Variants in STK3 observed in about 807,000 individuals in gnomAD.
STK3 encodes the protein serine/threonine-protein kinase 3.
STK3 carries 41 observed loss-of-function variants against 58.0 expected under a neutral mutation model. That is an observed-to-expected ratio of 0.71 (90% CI 0.55 to 0.92). The LOEUF is 0.92. Ranked by LOEUF, STK3 falls within the 40% of genes least tolerant of loss-of-function variation. The pLI is 0.00. For missense variants in STK3, 479 were observed against 602.7 expected, an observed-to-expected ratio of 0.79 and a Z score of 2.15; for synonymous variants, 170 against 191.0, an observed-to-expected ratio of 0.89 and a Z score of 0.91.
chr8:98,345,517 T>C, the STK3 span, among the ~76,000 whole-genome samples: 2 of 151,910 alleles, frequency 1.3e-5, no homozygotes, highest in Non-Finnish European at 2.9e-5. Context: ...ATTGGAGTGA[T>C]GTCATCTAGG....
At chr8:98,541,462 T>C (rs1251065913) in intron 9 of STK3, among the ~76,000 whole-genome samples, 1 of 152,210 alleles carries the variant, frequency 6.6e-6, no homozygotes, top group Non-Finnish European at 1.5e-5. Flanking sequence ...TCCCTAGCCA[T>C]GCTTCCTGTA....
the STK3 span, among the ~76,000 whole-genome samples, chr8:98,359,441 T>G: frequency 1.4e-5 from 2 of 148,052 alleles, no homozygotes; most frequent in African/African-American, 5.0e-5. Flanking sequence ...GAGAATCACT[T>G]GAACCGGGGA....
At chr8:98,805,089 C>T (rs1319361957) in intron 1 of STK3, among the ~76,000 whole-genome samples, 7 of 152,146 alleles carry the variant, frequency 4.6e-5, no homozygotes, top group South Asian at 4.1e-4. Flanking sequence ...CTAAAAATAG[C>T]GAGAATGATG....
At chr8:98,728,661 A>G (rs1295000209) in intron 4 of STK3, among the ~76,000 whole-genome samples, 1 of 152,220 alleles carries the variant, frequency 6.6e-6, no homozygotes, top group Non-Finnish European at 1.5e-5. Flanking sequence ...AGCACTCAAT[A>G]TATATGGAGT....
chr8:98,893,771 A>G (rs1838349940), intron 1 of STK3, among the ~76,000 whole-genome samples: 1 of 152,208 alleles, frequency 6.6e-6, no homozygotes, highest in African/African-American at 2.4e-5. Context: ...CAGCTGGCTC[A>G]ATGACTGTGG....
chr8:98,449,775 T>C (rs1819114428), downstream of STK3, among the ~76,000 whole-genome samples: 1 of 152,232 alleles, frequency 6.6e-6, no homozygotes, highest in African/African-American at 2.4e-5. Flanking sequence ...GATGTTAAAA[T>C]AGATTAATGC....
rs866148139 is a variant in STK3 at position 98,899,709 on chromosome 8, G to A, written c.-78-15875C>T. On this transcript the variant is annotated intron_variant, in intron 1 of 1. Coordinates refer to the STK3 transcript ENST00000519420. ...TTATTCTGTGCCAAGGGCATGATAT[G>A]CATAATGATATTTACTCTTTACAAG... Among the ~76,000 whole-genome samples the A allele has an allele frequency of 7.9e-5, 12 of 152,248 alleles. No homozygotes were observed. The Middle Eastern group carries it at 0.01, about 129-fold the overall frequency.
intron 10 of STK3, among the ~76,000 whole-genome samples, chr8:98,474,283 C>G (rs1292909524): frequency 6.6e-6 from 1 of 152,178 alleles, no homozygotes; most frequent in African/African-American, 2.4e-5. Context: ...ACTCTCCATA[C>G]AGCAGCCAGA....
At chr8:98,653,552 T>A (rs1466671109) in intron 6 of STK3, among the ~76,000 whole-genome samples, 1 of 152,148 alleles carries the variant, frequency 6.6e-6, no homozygotes, top group Non-Finnish European at 1.5e-5. Context: ...GAGCTGGTTT[T>A]TTGAAAGGAT....
At chr8:98,671,527 T>C (rs912199026) in intron 6 of STK3, among the ~76,000 whole-genome samples, 1 of 152,178 alleles carries the variant, frequency 6.6e-6, no homozygotes, top group Non-Finnish European at 1.5e-5. Context: ...ACACAGTTAT[T>C]TGACAAATAT....
At chr8:98,862,521 C>T (rs1174350161) in intron 3 of STK3, among the ~76,000 whole-genome samples, 1 of 152,180 alleles carries the variant, frequency 6.6e-6, no homozygotes, top group African/African-American at 2.4e-5. Context: ...CCTTTTAATA[C>T]CATGTTAGTC....
intron 9 of STK3, among the ~76,000 whole-genome samples, chr8:98,534,725 G>A (rs779535630): frequency 6.6e-5 from 10 of 152,094 alleles, no homozygotes; most frequent in Non-Finnish European, 1.0e-4. Flanking sequence ...ATTACAAGAC[G>A]TATTTCTCTA....
At chr8:98,834,105 A>C (rs893297276) in intron 3 of STK3, among the ~76,000 whole-genome samples, 2 of 152,224 alleles carry the variant, frequency 1.3e-5, no homozygotes, top group African/African-American at 4.8e-5. Context: ...ACTGCTTGCT[A>C]TTGCCACAAG....
intron 3 of STK3, among the ~76,000 whole-genome samples, chr8:98,847,632 T>C (rs976996886): frequency 3.9e-5 from 6 of 152,152 alleles, no homozygotes; most frequent in African/African-American, 1.4e-4. Flanking sequence ...TGCTGAGAAG[T>C]AACAGCAGGA....
At chr8:98,348,985 C>T in the STK3 span, among the ~76,000 whole-genome samples, 5 of 152,074 alleles carry the variant, frequency 3.3e-5, no homozygotes, top group Admixed American at 1.3e-4. Context: ...TTATAATTGC[C>T]CAAACTTGGA....
chr8:98,635,214 T>A (rs766849923), intron 6 of STK3, among the ~76,000 whole-genome samples: 10 of 152,200 alleles, frequency 6.6e-5, no homozygotes, highest in Non-Finnish European at 1.5e-4. Flanking sequence ...GTCTCAGCAC[T>A]ATTGTTAAAT....
At chr8:98,405,835 T>G (rs1817987968) in intron 3 of STK3, among the ~76,000 whole-genome samples, 1 of 152,182 alleles carries the variant, frequency 6.6e-6, no homozygotes, top group Non-Finnish European at 1.5e-5. Flanking sequence ...GGAACTGCTC[T>G]TTTTAAAACC....
Position 98,582,975 on chromosome 8 carries a change from A to G in STK3, c.823-3186T>C, listed in dbSNP as rs1814053042. Among the ~76,000 whole-genome samples, 4 of 152,080 alleles carry G rather than the reference A, an allele frequency of 2.6e-5. No individual in the cohort carries two copies. The South Asian group carries it at 8.3e-4, about 32-fold the overall frequency. ...ATTAATATATCAAGTTTATAACTAT[A>G]TCTTCCTTTATATTATGTTCTTTAT... is the stretch of plus-strand genomic sequence containing the variant. On this transcript the variant is annotated intron_variant, in intron 7 of 10. Coordinates refer to ENST00000419617, the MANE Select transcript of STK3 (RefSeq NM_006281.4).
At chr8:98,784,589 A>T (rs1832336275) in intron 1 of STK3, among the ~76,000 whole-genome samples, 1 of 152,112 alleles carries the variant, frequency 6.6e-6, no homozygotes, top group South Asian at 2.1e-4. Context: ...TCATGGATAT[A>T]GATCATGGCA....
Sources: allele counts gnomAD v4.1 joint callset (sites outside exome capture counted in the v4.1 genomes callset), GRCh38; gene constraint gnomAD v4.1.1; transcripts MANE v1.5; gene names NCBI Gene and HGNC (gene_info 2026-07-23, HGNC 2026-07-21).